The following ATG7 variants were observed in gnomAD, a reference collection of about 807,000 sequenced individuals.
ATG7 encodes the protein autophagy related 7, also known as ubiquitin-like modifier-activating enzyme ATG7.
Under a neutral mutation model 82.4 loss-of-function variants are expected in ATG7, and 70 were observed. That is an observed-to-expected ratio of 0.85 (90% CI 0.70 to 1.04). The LOEUF (loss-of-function observed/expected upper bound fraction) is 1.04, where lower values mean the gene tolerates loss of function less well. Among genes scored for constraint, ATG7 ranks in the 50% least tolerant of loss-of-function variants. The pLI is 0.00. For synonymous variants in ATG7, 287 were observed against 313.0 expected, an observed-to-expected ratio of 0.92 and a Z score of 0.88; for missense variants, 792 against 864.3, an observed-to-expected ratio of 0.92 and a Z score of 1.05.
In ATG7 at chr3:11,554,966, G is replaced by GGAGGA; in HGVS notation, c.*124_*125insAGGAG. ...GCCCCTCCTCCATACCCCGAGGTCT[G>GGAGGA]GGATTCCCCCCTCTGCTGCCCAGGA... On this transcript the variant is annotated 3_prime_UTR_variant, in exon 21 of 21. Transcript: ENST00000693202. 1 of 1,279,524 alleles carries GGAGGA rather than the reference G, an allele frequency of 7.8e-7. No homozygotes were observed. The highest frequency in any genetic ancestry group is 1.1e-6 in the Non-Finnish European group (1 of 942,410). The allele number at this position is 1,279,524 out of a possible 1,614,324, so 79.3% of individuals were successfully genotyped here. A position where few individuals can be genotyped will look rare whatever the true frequency, so the allele number is the denominator to read the frequency against.
chr3:11,404,426 T>C (rs1326938455), intron 19 of ATG7, among the ~76,000 whole-genome samples: 1 of 152,002 alleles, frequency 6.6e-6, no homozygotes, highest in Non-Finnish European at 1.5e-5. Context: ...TGAGCCACCA[T>C]GGCCGGCTCC....
At chr3:11,492,309 C>A (rs1021613308) in intron 20 of ATG7, among the ~76,000 whole-genome samples, 5 of 152,216 alleles carry the variant, frequency 3.3e-5, no homozygotes, top group African/African-American at 7.2e-5. Flanking sequence ...CAATGCCTCG[C>A]CCTGCTTCGG....
chr3:11,485,954 A>G (rs1254675531), intron 20 of ATG7, among the ~76,000 whole-genome samples: 2 of 151,834 alleles, frequency 1.3e-5, no homozygotes, highest in African/African-American at 4.8e-5. Context: ...GCCTTGTAGT[A>G]TAGTTTGAAG....
the ATG7 span, among the ~76,000 whole-genome samples, chr3:11,562,965 A>G: frequency 4.6e-5 from 7 of 152,256 alleles, no homozygotes; most frequent in Non-Finnish European, 8.8e-5. Context: ...AGCCAGGCCC[A>G]TTCCAGGCTG....
At chr3:11,276,356 A>G (rs1272368385) in intron 1 of ATG7, among the ~76,000 whole-genome samples, 1 of 152,186 alleles carries the variant, frequency 6.6e-6, no homozygotes, top group Non-Finnish European at 1.5e-5. Flanking sequence ...TGCCTCAAGG[A>G]CTGGGTTCCA....
At chr3:11,576,271 A>G in the ATG7 span, among the ~76,000 whole-genome samples, 1 of 152,240 alleles carries the variant, frequency 6.6e-6, no homozygotes, top group Non-Finnish European at 1.5e-5. Flanking sequence ...TTTACAGGCA[A>G]AACAGATGTG....
intron 20 of ATG7, among the ~76,000 whole-genome samples, chr3:11,532,474 G>C (rs530487201): frequency 3.9e-5 from 6 of 152,204 alleles, no homozygotes; most frequent in Non-Finnish European, 8.8e-5. Context: ...TGTAATCCCA[G>C]TGCTTTGGGA....
intron 20 of ATG7, among the ~76,000 whole-genome samples, chr3:11,527,039 ATATGTG>A (rs1378718372): frequency 4.5e-5 from 5 of 111,894 alleles, no homozygotes; most frequent in African/African-American, 6.8e-5. Context: ...GTGTGTGTAT[ATATGTG>A]TGTGTGTGTG....
At chr3:11,566,356 A>C in the ATG7 span, among the ~76,000 whole-genome samples, 1 of 152,222 alleles carries the variant, frequency 6.6e-6, no homozygotes, top group Non-Finnish European at 1.5e-5. Flanking sequence ...ACATCTTGTA[A>C]AACTACAGTA....
At chr3:11,285,724 G>C (rs1239638639) in intron 3 of ATG7, among the ~76,000 whole-genome samples, 1 of 152,042 alleles carries the variant, frequency 6.6e-6, no homozygotes, top group Non-Finnish European at 1.5e-5. Context: ...AGCTGTGTGT[G>C]ACACACAGCT....
At chr3:11,408,604 G>A (rs1016122092) in intron 19 of ATG7, among the ~76,000 whole-genome samples, 18 of 152,206 alleles carry the variant, frequency 1.2e-4, no homozygotes, top group African/African-American at 3.6e-4. Context: ...CATGGTTGGG[G>A]AGGCCTTACA....
At chr3:11,558,448 T>G, downstream of ATG7, 2 of 1,407,018 alleles carry the variant, frequency 1.4e-6, no homozygotes, top group Non-Finnish European at 1.9e-6. Context: ...AAACCATCCC[T>G]TCCCTTCCCC....
At chr3:11,349,715 C>G (rs945163134) in intron 14 of ATG7, among the ~76,000 whole-genome samples, 4 of 152,186 alleles carry the variant, frequency 2.6e-5, no homozygotes, top group Middle Eastern at 3.4e-3. Context: ...TGGCTCAGAT[C>G]TAATGTGTTA....
At chr3:11,274,171 C>A (rs1559302649) in intron 1 of ATG7, among the ~76,000 whole-genome samples, 1 of 152,170 alleles carries the variant, frequency 6.6e-6, no homozygotes, top group Non-Finnish European at 1.5e-5. Context: ...ACCACAGGTT[C>A]CGTTTTTCGT....
chr3:11,482,772 C>G (rs1410185627), intron 20 of ATG7, among the ~76,000 whole-genome samples: 1 of 151,022 alleles, frequency 6.6e-6, no homozygotes, highest in Non-Finnish European at 1.5e-5. Context: ...CTTTTCAACC[C>G]TTTTATTATC....
chr3:11,574,991 T>C, the ATG7 span, among the ~76,000 whole-genome samples: 75 of 151,894 alleles, frequency 4.9e-4, no homozygotes, highest in African/African-American at 1.7e-3. Flanking sequence ...TTGGGGAGGA[T>C]GAAAGAATAA....
intron 19 of ATG7, among the ~76,000 whole-genome samples, chr3:11,422,740 C>CTTTTTTTT (rs557755646): frequency 0.017 from 837 of 49,558 alleles, 183 homozygotes; most frequent in African/African-American, 0.03. Context: ...TCATTTCTAG[C>CTTTTTTTT]TTTTTTTTTT....
intron 20 of ATG7, among the ~76,000 whole-genome samples, chr3:11,515,297 C>T (rs1012143996): frequency 2.0e-5 from 3 of 151,216 alleles, no homozygotes; most frequent in South Asian, 2.1e-4. Context: ...GTCTCTTGCG[C>T]GTGTGTGTGT....
At chr3:11,493,593 A>G (rs375332217) in intron 20 of ATG7, among the ~76,000 whole-genome samples, 5 of 152,122 alleles carry the variant, frequency 3.3e-5, no homozygotes, top group East Asian at 3.9e-4. Flanking sequence ...GCCTCCCTCA[A>G]TGGGTGATGC....
Sources: allele counts gnomAD v4.1 joint callset (sites outside exome capture counted in the v4.1 genomes callset), GRCh38; gene constraint gnomAD v4.1.1; transcripts MANE v1.5; gene names NCBI Gene and HGNC (gene_info 2026-07-23, HGNC 2026-07-21).